LENG1: variants seen among roughly 807,000 people sequenced by gnomAD.
LENG1 encodes leukocyte receptor cluster (LRC) member 1.
In LENG1, 35 loss-of-function variants were observed where a neutral mutation model predicts 28.8. That is an observed-to-expected ratio of 1.22 (90% CI 0.93 to 1.61). The LOEUF (loss-of-function observed/expected upper bound fraction) is 1.61. LENG1 is among the 40% of genes most tolerant of loss of function. The pLI, the probability that LENG1 is intolerant of heterozygous loss-of-function variation, is 0.00. For missense variants in LENG1, 404 were observed against 348.9 expected (o/e 1.16, Z -1.26); for synonymous variants, 170 against 140.6 (o/e 1.21, Z -1.48).
In LENG1 at chr19:54,159,714, G is replaced by C; in HGVS notation, c.-19C>G. On this transcript the variant is annotated 5_prime_UTR_variant, in exon 1 of 4. Transcript: ENST00000222224. ...TATTCATGGCGTCGTAGCTGTCCAG[G>C]GACTGGCACGCCCGCCTCTTTGCAC... 6.4e-7 allele frequency: 1 copy of C among 1,561,586 alleles called. No individual in the cohort carries two copies. The highest frequency in any genetic ancestry group is 8.7e-7 in the Non-Finnish European group (1 of 1,155,138).
chr19:54,157,053 G>GTGA (rs766954582), intron 2 of LENG1, 28 bp from the exon 3 acceptor site: 1 of 1,502,186 alleles, frequency 6.7e-7, no homozygotes, highest in South Asian at 1.4e-5. Context: ...TACAAGAGAT[G>GTGA]TGATATAATC....
At position 54,155,544 on chromosome 19, in the gene LENG1, C is replaced by T. The variant is rs902657546; in HGVS notation, c.*177G>A. 23 of 908,930 alleles carry T rather than the reference C, an allele frequency of 2.5e-5. No individual in the cohort carries two copies. The highest frequency in any genetic ancestry group is 1.2e-4 in the South Asian group (7 of 58,238). The allele number at this position is 908,930 out of a possible 1,614,324, so 56.3% of individuals were successfully genotyped here. On this transcript the variant is annotated 3_prime_UTR_variant, in exon 4 of 4. Transcript: ENST00000222224. ...CTCTCCCAGGAAGCAGGGAGGGGGC[C>T]GGGAGGTTTTCCTCTCAGCCCCACC...
rs1161973739 is a variant in LENG1 at position 54,156,912 on chromosome 19, G to T, written c.426C>A (p.Pro142=). ...QLPPGRGGPP[P]GPAPDEKIKS... The stretch of plus-strand genomic sequence containing the variant: ...TGATCTTCTCATCTGGGGCTGGGCC[G>T]GGCGGGGGGCCCCCTCGCCCTGGGG... Residue 142 remains proline, a synonymous_variant, in exon 3 of 4, where the codon CCC becomes CCA. Coordinates refer to ENST00000222224, the MANE Select transcript of LENG1 (RefSeq NM_024316.3). 3.7e-6 allele frequency: 6 copies of T among 1,609,526 alleles called. No individual in the cohort carries two copies. In the African/African-American group the frequency reaches 8.0e-5, roughly 22 times the overall value.
chr19:54,158,499 G>C (rs760629752), intron 1 of LENG1, 38 bp from the exon 2 acceptor site: 7 of 1,586,564 alleles, frequency 4.4e-6, no homozygotes, highest in Admixed American at 3.5e-5. Context: ...TCAGAACCTA[G>C]AGGTAATTCA....
At position 54,155,395 on chromosome 19, in the gene LENG1, G is replaced by A. The variant is rs375477973; in HGVS notation, c.*326C>T. ...TTGAGTACCGCTACCTGGAGGACCG[G>A]GACCTCCAGTGACACCGGCCCCTCC... On this transcript the variant is annotated 3_prime_UTR_variant, in exon 4 of 4. Transcript: ENST00000222224. 28 of 1,606,940 alleles carry A rather than the reference G, an allele frequency of 1.7e-5. No individual in the cohort carries two copies. Among genetic ancestry groups the A allele is most frequent in the Non-Finnish European group, 2.0e-5 (24 of 1,175,420 alleles).
At position 54,155,953 on chromosome 19, in the gene LENG1, G is replaced by A. The variant is rs751734186; in HGVS notation, c.576-13C>T. 5.0e-6 allele frequency: 8 copies of A among 1,596,942 alleles called. No individual in the cohort carries two copies. The South Asian group carries it at 5.6e-5, about 11-fold the overall frequency. The stretch of plus-strand genomic sequence containing the variant: ...CAGGGATGGAGGCCTGTGGGGAGAG[G>A]AGTGAGGTCAGAAAGCTGGTAGCCC... On this transcript the variant is annotated splice_polypyrimidine_tract_variant and intron_variant, in intron 3 of 3. Transcript: ENST00000222224.
chr19:54,157,713 G>A (rs1048159229), intron 2 of LENG1, among the ~76,000 whole-genome samples: 7 of 151,470 alleles, frequency 4.6e-5, no homozygotes, highest in African/African-American at 1.5e-4. Context: ...AAAGCAAGAG[G>A]CGATTGATTC....
chr19:54,159,563 C>G lies in LENG1; in HGVS notation c.132+1G>C, dbSNP rs894465254. 4 of 1,567,458 alleles carry G rather than the reference C, an allele frequency of 2.6e-6. No individual in the cohort carries two copies. Among genetic ancestry groups the G allele is most frequent in the Non-Finnish European group, 3.5e-6 (4 of 1,157,436 alleles). The stretch of plus-strand genomic sequence containing the variant: ...GCCGCCCTGCCGGCTTCCGAGCTTA[C>G]CTCTTGCTGAGCCAGCAGCACCCTC... On this transcript the variant is annotated splice_donor_variant, in intron 1 of 3. Transcript: ENST00000222224. LOFTEE classifies it high-confidence loss of function.
At position 54,158,230 on chromosome 19, in the gene LENG1, C is replaced by G. The variant is rs1209647558; in HGVS notation, c.312+52G>C. ...ACAACCAATGGCTAAAGTGCCCCCT[C>G]CCTCCAACTCGATTCATGGCCCCTC... is the stretch of plus-strand genomic sequence containing the variant. On this transcript the variant is annotated intron_variant, in intron 2 of 3. Transcript: ENST00000222224. 4.4e-5 allele frequency: 68 copies of G among 1,535,302 alleles called. No homozygotes were observed. In the South Asian group the frequency reaches 5.7e-4, roughly 13 times the overall value.
chr19:54,157,430 A>C (rs2075415066), intron 2 of LENG1, among the ~76,000 whole-genome samples: 1 of 151,756 alleles, frequency 6.6e-6, no homozygotes, highest in Admixed American at 6.6e-5. Flanking sequence ...GTGCAGTGGC[A>C]CGATCTCGGC....
In LENG1 at chr19:54,155,984, A is replaced by C. The variant is rs771642583; in HGVS notation, c.576-44T>G. 11 of 1,534,046 alleles carry C rather than the reference A, an allele frequency of 7.2e-6. No homozygotes were observed. The East Asian group carries it at 1.2e-4, about 16-fold the overall frequency. On this transcript the variant is annotated intron_variant, in intron 3 of 3. Transcript: ENST00000222224. ...GGTCAGAAAGCTGGTAGCCCCTAGG[A>C]GGCCATTCCCCCAACCTCTCCCATA...
chr19:54,158,151 C>A, intron 2 of LENG1, 131 bp downstream of exon 2: 1 of 872,788 alleles, frequency 1.1e-6, no homozygotes, highest in South Asian at 1.7e-5. Context: ...TTTTGAGTGT[C>A]ATGCCTTGGT....
At chr19:54,158,185 A>C in intron 2 of LENG1, 97 bp downstream of exon 2, 1 of 1,106,586 alleles carries the variant, frequency 9.0e-7, no homozygotes, top group Non-Finnish European at 1.3e-6. Flanking sequence ...CTGTGTGTTC[A>C]CTCTTGTTTG....
chr19:54,159,206 A>G (rs2075452750), intron 1 of LENG1, among the ~76,000 whole-genome samples: 1 of 152,270 alleles, frequency 6.6e-6, no homozygotes, highest in Non-Finnish European at 1.5e-5. Flanking sequence ...GTTAGCATAC[A>G]GTAGATGCTC....
At position 54,156,935 on chromosome 19, in the gene LENG1, G is replaced by C; in HGVS notation, c.403C>G (p.Pro135Ala). The part of the protein sequence containing the change: ...QTQPPWYQLP[P>A]GRGGPPPGPA... ...CCGGGCGGGGGGCCCCCTCGCCCTG[G>C]GGGTAGCTGGTACCAAGGGGGTTGA... The change falls in exon 3 of 4, where the codon CCA becomes GCA. Residue 135 changes from proline (P) to alanine (A), a missense_variant. By Grantham distance (27) the Pro-to-Ala change is conservative. Transcript: ENST00000222224. 6.2e-7 allele frequency: 1 copy of C among 1,613,130 alleles called. No individual in the cohort carries two copies. The highest frequency in any genetic ancestry group is 8.5e-7 in the Non-Finnish European group (1 of 1,179,404).
chr19:54,155,975 G>A (rs746247727), intron 3 of LENG1, 35 bp from the exon 4 acceptor site: 1 of 1,556,494 alleles, frequency 6.4e-7, no homozygotes, highest in African/African-American at 1.4e-5. Context: ...AAAGCTGGTA[G>A]CCCCTAGGAG....
chr19:54,159,600 C>G lies in LENG1; in HGVS notation c.96G>C (p.Lys32Asn). The change falls in exon 1 of 4, where the codon AAG becomes AAC. Residue 32 changes from lysine (K) to asparagine (N), a missense_variant. Lys to Asn is a moderately conservative substitution (Grantham distance 94). Transcript: ENST00000222224. Reference sequence around the variant, plus strand: ...CCAGCAGCACCCTCCGCTCACGCTCCTTCTCCTCCTCCCGGGCCTGGGCCT... The same window carrying G: ...CCAGCAGCACCCTCCGCTCACGCTCGTTCTCCTCCTCCCGGGCCTGGGCCT... ...RDEAQAREEE[K>N]ERERRVLLAQ... is the part of the protein sequence containing the mutation. The G allele has an allele frequency of 1.2e-6, 2 of 1,605,202 alleles. No homozygotes were observed. Among genetic ancestry groups the G allele is most frequent in the Non-Finnish European group, 1.7e-6 (2 of 1,175,780 alleles).
rs1347509761 is a variant in LENG1, at chr19:54,155,501, A to G, written c.*220T>C. 7 of 964,010 alleles carry G rather than the reference A, an allele frequency of 7.3e-6. No homozygotes were observed. The highest frequency in any genetic ancestry group is 2.5e-5 in the Admixed American group (1 of 40,776). 59.7% of individuals were successfully genotyped at this position (964,010 alleles called of 1,614,324 possible). On this transcript the variant is annotated 3_prime_UTR_variant, in exon 4 of 4. Transcript: ENST00000222224. Reference sequence around the variant, plus strand: ...CCCTGGAAGACTGGAGGGAGGCCCCAAGCCACGGGGCATCCCCCTCTCCCA... The same window carrying G: ...CCCTGGAAGACTGGAGGGAGGCCCCGAGCCACGGGGCATCCCCCTCTCCCA...
At position 54,155,362 on chromosome 19, in the gene LENG1, C is replaced by T; in HGVS notation, c.*359G>A. The stretch of plus-strand genomic sequence containing the variant: ...AGTGGGGCCAGCGGAAGAAGGAAGG[C>T]TTCACCTTTGAGTACCGCTACCTGG... On this transcript the variant is annotated 3_prime_UTR_variant, in exon 4 of 4. Transcript: ENST00000222224. 1 of 1,612,940 alleles carries T rather than the reference C, an allele frequency of 6.2e-7. No individual in the cohort carries two copies. The highest frequency in any genetic ancestry group is 8.5e-7 in the Non-Finnish European group (1 of 1,179,120).
Sources: gnomAD v4.1 joint callset for allele counts (sites outside exome capture counted in the v4.1 genomes callset) on GRCh38, gnomAD v4.1.1 for gene constraint, MANE v1.5 for transcripts, NCBI Gene and HGNC (gene_info 2026-07-23, HGNC 2026-07-21) for gene names.